PLAAT3: variants seen among roughly 807,000 people sequenced by gnomAD.
The protein encoded by PLAAT3 is phospholipase A and acyltransferase 3.
Under a neutral mutation model 16.7 loss-of-function variants are expected in PLAAT3, and 21 were observed. That is an observed-to-expected ratio of 1.26 (90% CI 0.89 to 1.81). The LOEUF is 1.81. Ranked by LOEUF, PLAAT3 falls within the 40% of genes most tolerant of loss-of-function variation. PLAAT3 has a pLI of 0.00. For synonymous variants in PLAAT3, 76 were observed against 81.7 expected, an observed-to-expected ratio of 0.93 and a Z score of 0.38; for missense variants, 219 against 213.7, an observed-to-expected ratio of 1.02 and a Z score of -0.16.
At chr11:63,578,194 A>C (rs1372013820) in intron 4 of PLAAT3, among the ~76,000 whole-genome samples, 1 of 152,062 alleles carries the variant, frequency 6.6e-6, no homozygotes, top group African/African-American at 2.4e-5. Context: ...GAGGCTGAAG[A>C]ATTCCTTGAA....
At chr11:63,592,004 C>T (rs1013619515) in intron 3 of PLAAT3, among the ~76,000 whole-genome samples, 2 of 152,132 alleles carry the variant, frequency 1.3e-5, no homozygotes, top group African/African-American at 4.8e-5. Flanking sequence ...ACAGGGGTAC[C>T]CTGTGCTCAA....
chr11:63,614,362 C>T, intron 1 of PLAAT3, 23 bp downstream of exon 1: 1 of 330,014 alleles, frequency 3.0e-6, no homozygotes, highest in East Asian at 5.3e-5. Flanking sequence ...TCGCACCCTT[C>T]CAGGAAGACC....
At chr11:63,611,764 A>T (rs752460229) in intron 2 of PLAAT3, among the ~76,000 whole-genome samples, 8 of 152,274 alleles carry the variant, frequency 5.3e-5, no homozygotes, top group Non-Finnish European at 1.2e-4. Flanking sequence ...GATTAAATAA[A>T]TGTCAAGGTT....
chr11:63,604,741 C>T (rs951205521), intron 2 of PLAAT3, among the ~76,000 whole-genome samples: 10 of 151,426 alleles, frequency 6.6e-5, no homozygotes, highest in Non-Finnish European at 8.8e-5. Context: ...CCAATCTAGG[C>T]GACAGAGCAA....
intron 2 of PLAAT3, among the ~76,000 whole-genome samples, chr11:63,607,739 G>C (rs577494215): frequency 2.0e-5 from 3 of 151,732 alleles, no homozygotes; most frequent in East Asian, 1.9e-4. Context: ...GGAGATGTAC[G>C]GAGAGAGGCA....
chr11:63,607,627 T>G (rs1315784372), intron 2 of PLAAT3, among the ~76,000 whole-genome samples: 3 of 151,824 alleles, frequency 2.0e-5, no homozygotes, highest in African/African-American at 7.3e-5. Flanking sequence ...GAGGGAAACT[T>G]GTATGTGGTA....
At chr11:63,581,324 C>T (rs998873981) in intron 4 of PLAAT3, among the ~76,000 whole-genome samples, 2 of 152,106 alleles carry the variant, frequency 1.3e-5, no homozygotes, top group African/African-American at 2.4e-5. Flanking sequence ...GGAGAAATAT[C>T]GCTGAATTCT....
chr11:63,578,859 A>T (rs1324144545), intron 4 of PLAAT3, among the ~76,000 whole-genome samples: 1 of 151,672 alleles, frequency 6.6e-6, no homozygotes, highest in African/African-American at 2.4e-5. Flanking sequence ...AACGAAAGCC[A>T]AAATTGACAA....
chr11:63,615,630 C>T (rs995583130), upstream of PLAAT3, among the ~76,000 whole-genome samples: 3 of 151,704 alleles, frequency 2.0e-5, no homozygotes, highest in African/African-American at 7.3e-5. Context: ...TCTGTACAGA[C>T]CTTGTTGAAA....
At chr11:63,587,984 C>T (rs760040328) in intron 4 of PLAAT3, among the ~76,000 whole-genome samples, 1 of 151,904 alleles carries the variant, frequency 6.6e-6, no homozygotes, top group African/African-American at 2.4e-5. Flanking sequence ...GAGGCTGAGG[C>T]GTTAGGATCA....
intron 2 of PLAAT3, among the ~76,000 whole-genome samples, chr11:63,606,269 C>T (rs1201688093): frequency 2.0e-5 from 3 of 152,106 alleles, no homozygotes; most frequent in Non-Finnish European, 4.4e-5. Flanking sequence ...TGTTCAGTAA[C>T]AGGAGACAAA....
At chr11:63,578,139 C>T (rs977201280) in intron 4 of PLAAT3, among the ~76,000 whole-genome samples, 4 of 151,778 alleles carry the variant, frequency 2.6e-5, no homozygotes, top group Non-Finnish European at 5.9e-5. Context: ...AAAAATTAGC[C>T]AGGCATGGTG....
intron 1 of PLAAT3, 90 bp downstream of exon 1, chr11:63,614,295 A>C: frequency 4.0e-6 from 2 of 499,264 alleles, no homozygotes; most frequent in East Asian, 3.5e-5. Context: ...GCCCTACCCA[A>C]TTAGATCTCT....
intron 2 of PLAAT3, among the ~76,000 whole-genome samples, chr11:63,599,596 C>T (rs1048840226): frequency 3.3e-5 from 5 of 152,078 alleles, no homozygotes; most frequent in Non-Finnish European, 7.4e-5. Context: ...AAATCATGTT[C>T]TTTTGTTGCA....
At chr11:63,582,648 G>C (rs375556431) in intron 4 of PLAAT3, among the ~76,000 whole-genome samples, 1 of 152,148 alleles carries the variant, frequency 6.6e-6, no homozygotes, top group African/African-American at 2.4e-5. Context: ...CATGAGTTCT[G>C]GCTGCTGAGA....
At chr11:63,589,487 GA>G (rs1370450770) in intron 4 of PLAAT3, among the ~76,000 whole-genome samples, 1 of 149,500 alleles carries the variant, frequency 6.7e-6, no homozygotes, top group Non-Finnish European at 1.5e-5. Context: ...AAGAGAAAAA[GA>G]GATTGAAAGG....
intron 3 of PLAAT3, among the ~76,000 whole-genome samples, chr11:63,597,340 C>T (rs531781710): frequency 7.2e-5 from 11 of 152,052 alleles, no homozygotes; most frequent in South Asian, 2.1e-4. Context: ...CTGGCTAACA[C>T]GGTGAAACCC....
chr11:63,591,471 C>T (rs1308348328), intron 3 of PLAAT3, among the ~76,000 whole-genome samples: 1 of 152,196 alleles, frequency 6.6e-6, no homozygotes, highest in Non-Finnish European at 1.5e-5. Context: ...CACTCTCACT[C>T]TCCTCAAACA....
intron 3 of PLAAT3, among the ~76,000 whole-genome samples, 171 bp downstream of exon 3, chr11:63,597,890 A>C (rs1373275774): frequency 6.6e-6 from 1 of 152,154 alleles, no homozygotes; most frequent in African/African-American, 2.4e-5. Context: ...AGACCTTGAA[A>C]ACCAGTGCCC....
Sources: allele counts gnomAD v4.1 joint callset (sites outside exome capture counted in the v4.1 genomes callset), GRCh38; gene constraint gnomAD v4.1.1; transcripts MANE v1.5; gene names NCBI Gene and HGNC (gene_info 2026-07-23, HGNC 2026-07-21).